The following ADAMTSL1 variants were observed in gnomAD, a reference collection of about 807,000 sequenced individuals.
ADAMTSL1 encodes the protein ADAMTS like 1.
In ADAMTSL1, 126 loss-of-function variants were observed where a neutral mutation model predicts 201.8. The ratio of observed to expected loss-of-function variants is 0.62; its 90% CI spans 0.54 to 0.72. ADAMTSL1 has a LOEUF of 0.72. Ranked by LOEUF, ADAMTSL1 falls within the 30% of genes least tolerant of loss-of-function variation. ADAMTSL1 has a pLI of 0.00. For synonymous variants in ADAMTSL1, 1,121 were observed against 903.4 expected (o/e 1.24, Z -4.32); for missense variants, 2,679 against 2,277.8 (o/e 1.18, Z -3.59).
intron 2 of ADAMTSL1, among the ~76,000 whole-genome samples, chr9:18,365,197 C>T (rs1050764465): frequency 6.6e-6 from 1 of 152,218 alleles, no homozygotes; most frequent in East Asian, 1.9e-4. Flanking sequence ...CAAATTGTAG[C>T]ATGTATTTTC....
chr9:18,779,099 A>G (rs943900295), intron 19 of ADAMTSL1, among the ~76,000 whole-genome samples: 2 of 152,180 alleles, frequency 1.3e-5, no homozygotes, highest in African/African-American at 4.8e-5. Flanking sequence ...CTAACATTCA[A>G]TCCACATGAT....
chr9:18,626,202 C>T (rs1248785026), intron 5 of ADAMTSL1, among the ~76,000 whole-genome samples: 2 of 152,128 alleles, frequency 1.3e-5, no homozygotes, highest in Non-Finnish European at 2.9e-5. Context: ...GTGCTGGAAA[C>T]AGCACAGAAC....
intron 4 of ADAMTSL1, among the ~76,000 whole-genome samples, chr9:18,602,566 G>T (rs1824732213): frequency 6.6e-6 from 1 of 152,126 alleles, no homozygotes; most frequent in East Asian, 1.9e-4. Context: ...TATTGTTCCA[G>T]GGTATTGCTG....
chr9:18,001,741 G>T (rs948324141), intron 1 of ADAMTSL1, among the ~76,000 whole-genome samples: 3 of 152,036 alleles, frequency 2.0e-5, no homozygotes, highest in African/African-American at 7.2e-5. Flanking sequence ...TGAGGGAGCA[G>T]AGGTTGGGGG....
intron 2 of ADAMTSL1, among the ~76,000 whole-genome samples, chr9:18,444,707 G>A (rs1820122439): frequency 6.6e-6 from 1 of 152,094 alleles, no homozygotes; most frequent in Non-Finnish European, 1.5e-5. Context: ...GATAATAATA[G>A]TAGTACGAGT....
chr9:18,722,439 G>A lies in ADAMTSL1; in HGVS notation c.2006+774G>A, dbSNP rs559343713. Among the ~76,000 whole-genome samples, 50 of 152,306 alleles carry A rather than the reference G, an allele frequency of 3.3e-4. 2 individuals are homozygous for A. Among genetic ancestry groups the A allele is most frequent in the African/African-American group, 1.0e-3 (43 of 41,564 alleles). ...AATAGGGTCAGATCCTAGATAAAAGGGGGAATGCTGATTTTGAATGATAGT... is the reference window on the plus strand; with the variant it reads ...AATAGGGTCAGATCCTAGATAAAAGAGGGAATGCTGATTTTGAATGATAGT... On this transcript the variant is annotated intron_variant, in intron 15 of 28. Transcript: ENST00000380548.
intron 2 of ADAMTSL1, among the ~76,000 whole-genome samples, chr9:18,216,218 G>A (rs572489200): frequency 2.2e-4 from 34 of 152,268 alleles, no homozygotes; most frequent in African/African-American, 7.5e-4. Context: ...TTTGTTGTTC[G>A]TTGTCAAAAC....
chr9:18,632,723 T>A (rs1826855311), intron 5 of ADAMTSL1, among the ~76,000 whole-genome samples: 1 of 152,220 alleles, frequency 6.6e-6, no homozygotes, highest in Admixed American at 6.5e-5. Flanking sequence ...TCGTTTAATG[T>A]CTGGCCAGGG....
chr9:18,683,286 G>A (rs1463363221), intron 12 of ADAMTSL1, among the ~76,000 whole-genome samples: 1 of 148,536 alleles, frequency 6.7e-6, no homozygotes. Flanking sequence ...GTTCAGTGGC[G>A]TGATCTCGGC....
chr9:18,558,017 TA>T (rs869124723), intron 3 of ADAMTSL1, among the ~76,000 whole-genome samples: 2 of 152,034 alleles, frequency 1.3e-5, no homozygotes, highest in African/African-American at 4.8e-5. Context: ...GTTGCTTTTT[TA>T]AAAAAATATA....
At chr9:18,276,691 G>A (rs1210681989) in intron 2 of ADAMTSL1, among the ~76,000 whole-genome samples, 1 of 152,174 alleles carries the variant, frequency 6.6e-6, no homozygotes, top group Non-Finnish European at 1.5e-5. Flanking sequence ...GGAGGAGGTG[G>A]TGTATATCAC....
intron 2 of ADAMTSL1, among the ~76,000 whole-genome samples, chr9:18,437,190 G>T (rs1819776456): frequency 6.6e-6 from 1 of 151,978 alleles, no homozygotes; most frequent in Non-Finnish European, 1.5e-5. Flanking sequence ...CAAATCCACT[G>T]CTTATCTTCA....
Position 18,622,692 on chromosome 9 carries a change from G to A in ADAMTSL1, c.601+323G>A, listed in dbSNP as rs1182378301. The A allele has an allele frequency of 1.4e-5, 7 of 494,716 alleles. No homozygotes were observed. The East Asian group carries it at 2.2e-4, about 16-fold the overall frequency. The allele number at this position is 494,716 out of a possible 1,614,324, so 30.6% of individuals were successfully genotyped here. A position where few individuals can be genotyped will look rare whatever the true frequency, so the allele number is the denominator to read the frequency against. The stretch of plus-strand genomic sequence containing the variant: ...CTGTATCCCAGCTCCTGCGTGATGT[G>A]TAGTGTGCTATGCCTGGTGGAAGAT... On this transcript the variant is annotated intron_variant, in intron 5 of 28. Coordinates refer to ENST00000380548, the MANE Select transcript of ADAMTSL1 (RefSeq NM_001040272.6).
intron 1 of ADAMTSL1, among the ~76,000 whole-genome samples, chr9:18,138,834 A>G (rs1193550943): frequency 2.0e-5 from 3 of 152,140 alleles, no homozygotes; most frequent in Non-Finnish European, 4.4e-5. Flanking sequence ...TGTCAAGACC[A>G]AGATCTAACG....
intron 23 of ADAMTSL1, among the ~76,000 whole-genome samples, chr9:18,865,021 ATTTTG>A (rs1457613025): frequency 6.6e-6 from 1 of 151,794 alleles, no homozygotes; most frequent in Non-Finnish European, 1.5e-5. Context: ...AACTTTGAAT[ATTTTG>A]TTATATTTTT....
At chr9:18,071,755 T>A (rs567152478) in intron 1 of ADAMTSL1, among the ~76,000 whole-genome samples, 4 of 152,326 alleles carry the variant, frequency 2.6e-5, no homozygotes, top group African/African-American at 9.6e-5. Context: ...CACGTGCCCA[T>A]ACCTCAGAGT....
intron 1 of ADAMTSL1, among the ~76,000 whole-genome samples, chr9:18,120,550 A>G (rs1346153934): frequency 6.6e-6 from 1 of 152,220 alleles, no homozygotes; most frequent in African/African-American, 2.4e-5. Flanking sequence ...GTCATAGAAC[A>G]GTCTGAATTA....
chr9:18,067,967 C>T (rs1192104724), intron 1 of ADAMTSL1, among the ~76,000 whole-genome samples: 3 of 152,102 alleles, frequency 2.0e-5, no homozygotes, highest in East Asian at 1.9e-4. Flanking sequence ...GTAAGAAAAG[C>T]TTTCGACAGG....
At chr9:18,347,951 G>T (rs1218308506) in intron 2 of ADAMTSL1, among the ~76,000 whole-genome samples, 1 of 152,158 alleles carries the variant, frequency 6.6e-6, no homozygotes, top group African/African-American at 2.4e-5. Context: ...CCAAAAACAA[G>T]ATGAAAACTA....
Sources: gnomAD v4.1 joint callset for allele counts (sites outside exome capture counted in the v4.1 genomes callset) on GRCh38, gnomAD v4.1.1 for gene constraint, MANE v1.5 for transcripts, NCBI Gene and HGNC (gene_info 2026-07-23, HGNC 2026-07-21) for gene names.